The following GCAT variants were observed in gnomAD, a reference collection of about 807,000 sequenced individuals.
GCAT encodes glycine C-acetyltransferase, also known as 2-amino-3-ketobutyrate coenzyme A ligase, mitochondrial.
A neutral mutation model predicts 39.7 loss-of-function variants in GCAT; 26 were observed. The ratio of observed to expected loss-of-function variants is 0.65; its 90% confidence interval spans 0.48 to 0.91. The LOEUF (loss-of-function observed/expected upper bound fraction) is 0.91, where lower values mean the gene tolerates loss of function less well. Ranked by LOEUF, GCAT falls within the 40% of genes least tolerant of loss-of-function variation. The pLI is 0.00. For missense variants in GCAT, 550 were observed against 576.2 expected, an observed-to-expected ratio of 0.95 and a Z score of 0.47; for synonymous variants, 218 against 237.2, an observed-to-expected ratio of 0.92 and a Z score of 0.74.
chr22:37,815,167 C>T lies in GCAT; in HGVS notation c.618C>T (p.Ser206=), dbSNP rs113660736. Reference sequence around the variant, plus strand: ...TGGTGGCCACTGATGGGGCCTTTTCCATGGATGGCGACATCGCACCCCTGC... The same window carrying T: ...TGGTGGCCACTGATGGGGCCTTTTCTATGGATGGCGACATCGCACCCCTGC... The part of the protein sequence containing the change: ...LRLVATDGAF[S]MDGDIAPLQE... The change falls in exon 5 of 9, where the codon TCC becomes TCT. Residue 206 remains serine (S), a synonymous_variant. Coordinates refer to ENST00000248924, the MANE Select transcript of GCAT (RefSeq NM_014291.4). The T allele has an allele frequency of 1.9e-6, 3 of 1,614,092 alleles. No homozygotes were observed. The highest frequency in any genetic ancestry group is 2.7e-5 in the African/African-American group (2 of 75,068).
Position 37,815,082 on chromosome 22 carries a change from C to T in GCAT, c.577-44C>T, listed in dbSNP as rs770248913. 46 of 1,601,534 alleles carry T rather than the reference C, an allele frequency of 2.9e-5. No individual in the cohort carries two copies. In the South Asian group the frequency reaches 4.0e-4, roughly 14 times the overall value. ...GCAGCACAAGAGACGGGTGGTTTGG[C>T]CCAACTTGACACCACCCACCATCTG... On this transcript the variant is annotated intron_variant, in intron 4 of 8. Transcript: ENST00000248924.
At chr22:37,814,744 G>A (rs1921973448) in intron 4 of GCAT, among the ~76,000 whole-genome samples, 1 of 152,206 alleles carries the variant, frequency 6.6e-6, no homozygotes, top group Non-Finnish European at 1.5e-5. Flanking sequence ...AAAGTCCTGG[G>A]ATTACAGGTG....
In GCAT at chr22:37,815,785, C is replaced by T. The variant is rs1922118367; in HGVS notation, c.937C>T (p.Leu313=). 6.2e-7 allele frequency: 1 copy of T among 1,614,052 alleles called. No homozygotes were observed. The highest frequency in any genetic ancestry group is 1.3e-5 in the African/African-American group (1 of 75,040). ...VGCASKALDL[L]MGSNTIVQSM... ...CTGCGCCTCCAAGGCCCTAGATCTGCTGATGGGGAGTAACACCATTGTCCA... is the reference window on the plus strand; with the variant it reads ...CTGCGCCTCCAAGGCCCTAGATCTGTTGATGGGGAGTAACACCATTGTCCA... Residue 313 remains leucine (L), a synonymous_variant, in exon 7 of 9, where the codon CTG becomes TTG. Transcript: ENST00000248924.
intron 7 of GCAT, 137 bp from the exon 8 acceptor site, chr22:37,816,063 C>A: frequency 8.7e-7 from 1 of 1,146,624 alleles, no homozygotes; most frequent in Non-Finnish European, 1.2e-6. Context: ...TGGCTCCCCT[C>A]TGCCTCTTAG....
At chr22:37,808,686 C>T (rs1005804720) in intron 1 of GCAT, among the ~76,000 whole-genome samples, 2 of 151,978 alleles carry the variant, frequency 1.3e-5, no homozygotes, top group African/African-American at 4.8e-5. Context: ...TTCTTTCTTT[C>T]CTTTTTTTTT....
At chr22:37,816,146 C>A (rs1922167090) in intron 7 of GCAT, 54 bp from the exon 8 acceptor site, 1 of 1,590,714 alleles carries the variant, frequency 6.3e-7, no homozygotes, top group African/African-American at 1.3e-5. Flanking sequence ...CTGCAAGGAG[C>A]GGGTGTGAAT....
In GCAT at chr22:37,816,733, C is replaced by T. The variant is rs372707100; in HGVS notation, c.*15C>T. The T allele has an allele frequency of 1.1e-5, 18 of 1,613,150 alleles. No homozygotes were observed. The highest frequency in any genetic ancestry group is 1.7e-5 in the Admixed American group (1 of 59,988). Reference sequence around the variant, plus strand: ...CACTGCCCTGAGCTCTGGGTAAGGACGAGAAGAGCCAAGGTCCGCCTACTG... The same window carrying T: ...CACTGCCCTGAGCTCTGGGTAAGGATGAGAAGAGCCAAGGTCCGCCTACTG... On this transcript the variant is annotated 3_prime_UTR_variant, in exon 9 of 9. Transcript: ENST00000248924.
At chr22:37,815,611 T>G in intron 6 of GCAT, 52 bp from the exon 7 acceptor site, 1 of 1,493,884 alleles carries the variant, frequency 6.7e-7, no homozygotes, top group Non-Finnish European at 9.3e-7. Context: ...GGGGGTTGGG[T>G]AGGCTCTGGC....
intron 6 of GCAT, 54 bp from the exon 7 acceptor site, chr22:37,815,609 G>A: frequency 6.7e-7 from 1 of 1,494,506 alleles, no homozygotes; most frequent in Non-Finnish European, 9.3e-7. Flanking sequence ...GAGGGGGTTG[G>A]GTAGGCTCTG....
intron 8 of GCAT, 88 bp downstream of exon 8, chr22:37,816,409 G>A (rs1922204809): frequency 2.6e-6 from 4 of 1,548,562 alleles, no homozygotes; most frequent in Non-Finnish European, 3.5e-6. Context: ...CCCGTACCCA[G>A]CCACGCTGCG....
rs937155799 is a variant in GCAT, at chr22:37,816,706, G to C, written c.1248G>C (p.Gly416=). Residue 416 remains glycine (G), a synonymous_variant, in exon 9 of 9, where the codon GGG becomes GGC. Coordinates refer to ENST00000248924, the MANE Select transcript of GCAT (RefSeq NM_014291.4). ...TCGTGGAAGTGGGGCGACTGCACGG[G>C]GCACTGCCCTGAGCTCTGGGTAAGG... ...EAFVEVGRLH[G]ALP The C allele has an allele frequency of 6.2e-7, 1 of 1,613,886 alleles. No individual in the cohort carries two copies. The highest frequency in any genetic ancestry group is 1.3e-5 in the African/African-American group (1 of 74,940).
Position 37,816,244 on chromosome 22 carries a change from C to T in GCAT, c.1031C>T (p.Ala344Val), listed in dbSNP as rs932115660. 6.2e-7 allele frequency: 1 copy of T among 1,613,404 alleles called. No homozygotes were observed. Among genetic ancestry groups the T allele is most frequent in the Non-Finnish European group, 8.5e-7 (1 of 1,179,978 alleles). Residue 344 changes from alanine (A) to valine (V), a missense_variant, in exon 8 of 9, where the codon GCC becomes GTC. Coordinates refer to ENST00000248924, the MANE Select transcript of GCAT (RefSeq NM_014291.4). ...MEAAGFTISG[A>V]SHPICPVMLG... is the part of the protein sequence containing the mutation. ...GCTGCTGGCTTCACTATCTCGGGAG[C>T]CAGTCACCCCATCTGCCCTGTGATG...
chr22:37,815,340 G>A, intron 5 of GCAT, 60 bp downstream of exon 5: 1 of 1,597,146 alleles, frequency 6.3e-7, no homozygotes, highest in Non-Finnish European at 8.6e-7. Context: ...TGGGAAACGA[G>A]GAGGCCAGTC....
At chr22:37,811,834 C>T (rs950275402) in intron 2 of GCAT, among the ~76,000 whole-genome samples, 5 of 147,824 alleles carry the variant, frequency 3.4e-5, no homozygotes, top group Admixed American at 6.8e-5. Flanking sequence ...CACGACGGTG[C>T]GACCACACTC....
In GCAT at chr22:37,812,964, T is replaced by G. The variant is rs765783481; in HGVS notation, c.405T>G (p.Tyr135Ter). The change falls in exon 3 of 9, where the codon TAT (tyrosine) becomes TAG (stop). Residue 135 changes from tyrosine (Y) to a stop codon, truncating the protein, a stop_gained. Transcript: ENST00000248924. LOFTEE classifies it high-confidence loss of function. Reference sequence around the variant, plus strand: ...ATGCCATCCTCTATCCCAGCTGTTATGACGCCAACGCCGGCCTCTTTGAGG... The same window carrying G: ...ATGCCATCCTCTATCCCAGCTGTTAGGACGCCAACGCCGGCCTCTTTGAGG... The part of the protein sequence containing the change: ...REDAILYPSC[Y>*]DANAGLFEAL... 2 of 1,613,560 alleles carry G rather than the reference T, an allele frequency of 1.2e-6. No homozygotes were observed. Among genetic ancestry groups the G allele is most frequent in the Non-Finnish European group, 8.5e-7 (1 of 1,179,486 alleles).
intron 4 of GCAT, among the ~76,000 whole-genome samples, chr22:37,814,046 C>T (rs1326366278): frequency 1.3e-5 from 2 of 152,134 alleles, no homozygotes; most frequent in Admixed American, 6.5e-5. Flanking sequence ...GGATTATAGA[C>T]GTGAGCCACT....
chr22:37,812,504 T>C (rs929104), intron 2 of GCAT, among the ~76,000 whole-genome samples: 146,874 of 152,286 alleles, frequency 0.96, 70,872 homozygotes, highest in East Asian at 1. Context: ...GTTTTCAAAT[T>C]TACAAATTAG....
rs746303281 is a variant in GCAT, at chr22:37,816,564, C to A, written c.1109-3C>A. 3 of 1,614,054 alleles carry A rather than the reference C, an allele frequency of 1.9e-6. No homozygotes were observed. The highest frequency in any genetic ancestry group is 1.7e-5 in the Admixed American group (1 of 60,004). On this transcript the variant is annotated splice_polypyrimidine_tract_variant and splice_region_variant and intron_variant, in intron 8 of 8. Transcript: ENST00000248924. The stretch of plus-strand genomic sequence containing the variant: ...GGCACGCCCTTGCTTTCTACCCTCC[C>A]AGGCATCTTTGTCATCGGGTTCAGC...
chr22:37,816,391 G>T, intron 8 of GCAT, 70 bp downstream of exon 8: 1 of 1,576,072 alleles, frequency 6.3e-7, no homozygotes, highest in South Asian at 1.1e-5. Flanking sequence ...CCTAGACTGT[G>T]ACCCAGCCCC....
Sources: gnomAD v4.1 joint callset for allele counts (sites outside exome capture counted in the v4.1 genomes callset) on GRCh38, gnomAD v4.1.1 for gene constraint, MANE v1.5 for transcripts, NCBI Gene and HGNC (gene_info 2026-07-23, HGNC 2026-07-21) for gene names.